The following ARID2 variants were observed in gnomAD, a reference collection of about 807,000 sequenced individuals.
ARID2 encodes AT-rich interaction domain 2.
In ARID2, 32 loss-of-function variants were observed where a neutral mutation model predicts 184.6. The ratio of observed to expected loss-of-function variants is 0.17; its 90% confidence interval spans 0.13 to 0.23. The LOEUF (loss-of-function observed/expected upper bound fraction) is 0.23. ARID2 is among the 10% of genes least tolerant of loss of function. ARID2 has a pLI of 1.00. For missense variants in ARID2, 1,696 were observed against 2,197.6 expected, an observed-to-expected ratio of 0.77 and a Z score of 4.56; for synonymous variants, 836 against 772.6, an observed-to-expected ratio of 1.08 and a Z score of -1.36.
At chr12:45,903,345 T>C (rs1944482385) in intron 20 of ARID2, among the ~76,000 whole-genome samples, 1 of 152,222 alleles carries the variant, frequency 6.6e-6, no homozygotes. Flanking sequence ...CATATTTCTG[T>C]TGAGTGTTTT....
chr12:45,739,700 C>T (rs2137976448), intron 3 of ARID2, among the ~76,000 whole-genome samples: 1 of 151,974 alleles, frequency 6.6e-6, no homozygotes, highest in South Asian at 2.1e-4. Flanking sequence ...TAATACGTAT[C>T]TTTCATGGTG....
chr12:45,829,600 T>A lies in ARID2; in HGVS notation c.706-6989T>A, dbSNP rs370474174. ...TAATTGTCCTTATTTTTGTCCATGT[T>A]CCATTTATAGATTGTAGATTATAAG... On this transcript the variant is annotated intron_variant, in intron 6 of 20. Coordinates refer to ENST00000334344, the MANE Select transcript of ARID2 (RefSeq NM_152641.4). Among the ~76,000 whole-genome samples the A allele has an allele frequency of 2.2e-3, 341 of 152,056 alleles. 12 individuals are homozygous for A. The South Asian group carries it at 0.067, about 30-fold the overall frequency.
chr12:45,884,857 C>T (rs1449854648), intron 16 of ARID2, among the ~76,000 whole-genome samples: 1 of 152,120 alleles, frequency 6.6e-6, no homozygotes, highest in Non-Finnish European at 1.5e-5. Flanking sequence ...CCTTTGGCAG[C>T]TACACTAGTC....
chr12:45,826,456 T>A (rs1943003010), intron 6 of ARID2, among the ~76,000 whole-genome samples: 2 of 152,146 alleles, frequency 1.3e-5, no homozygotes, highest in African/African-American at 4.8e-5. Flanking sequence ...GTCTTACTCT[T>A]ATCACCCAGG....
intron 3 of ARID2, among the ~76,000 whole-genome samples, chr12:45,747,861 A>G (rs148140079): frequency 1.1e-3 from 163 of 152,330 alleles, no homozygotes; most frequent in Non-Finnish European, 1.9e-3. Flanking sequence ...ACAAGCTACA[A>G]TATGAGACTA....
At chr12:45,883,811 A>G (rs1334344174) in intron 16 of ARID2, among the ~76,000 whole-genome samples, 1 of 151,992 alleles carries the variant, frequency 6.6e-6, no homozygotes, top group African/African-American at 2.4e-5. Flanking sequence ...ATGTTCAAAG[A>G]GCAGTCATGG....
chr12:45,750,470 T>TA (rs1406463297), intron 3 of ARID2, among the ~76,000 whole-genome samples: 2 of 152,202 alleles, frequency 1.3e-5, no homozygotes, highest in African/African-American at 4.8e-5. Flanking sequence ...CACATGGTTT[T>TA]AAAAAATGAT....
In ARID2 at chr12:45,849,582, C is replaced by T. The variant is rs76994389; in HGVS notation, c.1718C>T (p.Thr573Met). 2.5e-3 allele frequency: 4,012 copies of T among 1,609,092 alleles called. 10 individuals are homozygous for T. Among genetic ancestry groups the T allele is most frequent in the Non-Finnish European group, 2.6e-3 (3,072 of 1,177,124 alleles). ...TSTGFYKCLR[T>M]VFPNHTVKRV... ...CTGATTATGTATGTACTTTACAGAA[C>T]GGTCTTTCCAAATCATACAGTGAAG... The change falls in exon 14 of 21, where the codon ACG (threonine) becomes ATG (methionine). Residue 573 changes from threonine (T) to methionine (M), a missense_variant and splice_region_variant. Coordinates refer to ENST00000334344, the MANE Select transcript of ARID2 (RefSeq NM_152641.4).
At chr12:45,869,945 G>T (rs1019495409) in intron 16 of ARID2, among the ~76,000 whole-genome samples, 2 of 152,048 alleles carry the variant, frequency 1.3e-5, no homozygotes, top group African/African-American at 4.8e-5. Context: ...TTGCACAATA[G>T]TGATAATATT....
intron 16 of ARID2, among the ~76,000 whole-genome samples, chr12:45,887,984 A>G (rs1296443595): frequency 6.6e-6 from 1 of 152,208 alleles, no homozygotes; most frequent in Non-Finnish European, 1.5e-5. Context: ...TCACGAGGTC[A>G]GGAGATTGAG....
At chr12:45,849,521 A>G (rs753572871) in intron 13 of ARID2, 59 bp from the exon 14 acceptor site, 81 of 1,365,174 alleles carry the variant, frequency 5.9e-5, no homozygotes, top group Middle Eastern at 1.9e-4. Flanking sequence ...ATGTAAACAT[A>G]ATGTTAGAAG....
chr12:45,846,723 A>G, intron 11 of ARID2, 133 bp from the exon 12 acceptor site: 3 of 689,102 alleles, frequency 4.4e-6, no homozygotes, highest in Middle Eastern at 3.5e-4. Flanking sequence ...TCAAATGTGT[A>G]TACTTTCATA....
intron 3 of ARID2, among the ~76,000 whole-genome samples, chr12:45,783,688 A>T (rs1942140006): frequency 6.6e-6 from 1 of 152,188 alleles, no homozygotes; most frequent in Admixed American, 6.5e-5. Context: ...TGCTGATCTG[A>T]CAGGAGGTGG....
At chr12:45,839,040 A>AT (rs1334383715) in intron 10 of ARID2, among the ~76,000 whole-genome samples, 20 of 145,584 alleles carry the variant, frequency 1.4e-4, no homozygotes, top group African/African-American at 4.8e-4. Flanking sequence ...TTTTTTTTGT[A>AT]TTTTTAGTAG....
chr12:45,809,268 A>G (rs1386432362), intron 3 of ARID2, among the ~76,000 whole-genome samples: 7 of 152,254 alleles, frequency 4.6e-5, no homozygotes, highest in African/African-American at 7.2e-5. Flanking sequence ...AAATACCTTT[A>G]TGAATACTAT....
chr12:45,755,565 T>C (rs1941552603), intron 3 of ARID2, among the ~76,000 whole-genome samples: 1 of 152,250 alleles, frequency 6.6e-6, no homozygotes, highest in Non-Finnish European at 1.5e-5. Flanking sequence ...AGAATTCTAC[T>C]TACTAGGAAA....
At chr12:45,828,699 A>G (rs1174201412) in intron 6 of ARID2, among the ~76,000 whole-genome samples, 1 of 151,382 alleles carries the variant, frequency 6.6e-6, no homozygotes, top group African/African-American at 2.4e-5. Context: ...TTTAATTTAC[A>G]TTTTTTCTTG....
chr12:45,785,124 T>C (rs1942172367), intron 3 of ARID2, among the ~76,000 whole-genome samples: 1 of 152,222 alleles, frequency 6.6e-6, no homozygotes, highest in Non-Finnish European at 1.5e-5. Flanking sequence ...CTTATTTTCT[T>C]ATATTCTCTT....
At chr12:45,766,744 G>A (rs549717484) in intron 3 of ARID2, among the ~76,000 whole-genome samples, 10 of 152,126 alleles carry the variant, frequency 6.6e-5, no homozygotes, top group African/African-American at 2.2e-4. Context: ...TCGATCTCCT[G>A]ACCTTGTGAT....
Sources: allele counts gnomAD v4.1 joint callset (sites outside exome capture counted in the v4.1 genomes callset), GRCh38; gene constraint gnomAD v4.1.1; transcripts MANE v1.5; gene names NCBI Gene and HGNC (gene_info 2026-07-23, HGNC 2026-07-21).